DHRSX: variants seen among roughly 807,000 people sequenced by gnomAD.
The protein encoded by DHRSX is polyprenol dehydrogenase.
A neutral mutation model predicts 34.0 loss-of-function variants in DHRSX; 31 were observed. That is an observed-to-expected ratio of 0.91 (90% confidence interval 0.69 to 1.23). The LOEUF is 1.23. DHRSX is among the 50% of genes most tolerant of loss of function. The pLI, the probability that DHRSX is intolerant of heterozygous loss-of-function variation, is 0.00. For synonymous variants in DHRSX, 201 were observed against 183.8 expected, an observed-to-expected ratio of 1.09 and a Z score of -0.76; for missense variants, 414 against 428.1, an observed-to-expected ratio of 0.97 and a Z score of 0.29.
chrX:2,225,714 C>T (rs2015643322), intron 6 of DHRSX, among the ~76,000 whole-genome samples: 1 of 150,752 alleles, frequency 6.6e-6, no homozygotes, highest in Non-Finnish European at 1.5e-5. Flanking sequence ...CACAGACACA[C>T]ACAGAGGGAC....
chrX:2,479,677 C>T (rs1415988314), intron 1 of DHRSX, among the ~76,000 whole-genome samples: 7 of 151,860 alleles, frequency 4.6e-5, no homozygotes, highest in Non-Finnish European at 1.0e-4. Flanking sequence ...AAGGGACTGC[C>T]GCCATGTACA....
intron 6 of DHRSX, among the ~76,000 whole-genome samples, chrX:2,240,354 G>C (rs1041079782): frequency 6.6e-6 from 1 of 151,652 alleles, no homozygotes; most frequent in Non-Finnish European, 1.5e-5. Flanking sequence ...TGAGAGATTC[G>C]AAGAACAACT....
At chrX:2,277,501 AG>A in intron 4 of DHRSX, among the ~76,000 whole-genome samples, 1 of 23,802 alleles carries the variant, frequency 4.2e-5, no homozygotes, top group African/African-American at 1.1e-4. Flanking sequence ...GAGAAGGAAG[AG>A]GAGGAAATGG....
chrX:2,370,654 A>G (rs1361571933), intron 3 of DHRSX, among the ~76,000 whole-genome samples: 2 of 151,464 alleles, frequency 1.3e-5, no homozygotes, highest in African/African-American at 2.4e-5. Flanking sequence ...AGCCTAGGAC[A>G]AGGCTGGCCA....
At chrX:2,336,888 C>G (rs1336657392) in intron 3 of DHRSX, among the ~76,000 whole-genome samples, 1 of 152,028 alleles carries the variant, frequency 6.6e-6, no homozygotes, top group Non-Finnish European at 1.5e-5. Flanking sequence ...TTGCAAGATA[C>G]ATATGCAGAA....
At chrX:2,407,151 A>G (rs1365723194) in intron 3 of DHRSX, among the ~76,000 whole-genome samples, 1 of 152,208 alleles carries the variant, frequency 6.6e-6, no homozygotes, top group East Asian at 1.9e-4. Context: ...ACCCTAAGGG[A>G]CATAACTCAG....
Position 2,298,606 on chromosome X carries a change from A to ACACACACACACACACACG in DHRSX, c.287-7004_287-7003insCGTGTGTGTGTGTGTGTG, listed in dbSNP as rs1556457154. Among the ~76,000 whole-genome samples the ACACACACACACACACACG allele has an allele frequency of 5.0e-4, 24 of 48,464 alleles. 1 individual carries two copies. Among genetic ancestry groups the ACACACACACACACACACG allele is most frequent in the African/African-American group, 1.2e-3 (22 of 17,712 alleles). The allele number at this position is 48,464 out of a possible 152,430, so 31.8% of individuals were successfully genotyped here. ...TTCTCCTGCAGGCGCGTGTGTACAC[A>ACACACACACACACACACG]CACACACACACACACACACACACAC... On this transcript the variant is annotated intron_variant, in intron 3 of 6. Coordinates refer to ENST00000334651, the MANE Select transcript of DHRSX (RefSeq NM_145177.3).
intron 6 of DHRSX, among the ~76,000 whole-genome samples, chrX:2,227,385 GAATT>G (rs1030682154): frequency 1.7e-4 from 26 of 150,996 alleles, no homozygotes; most frequent in Admixed American, 1.2e-3. Flanking sequence ...ATAGAGAAAG[GAATT>G]AAGGAAGGAA....
chrX:2,311,976 A>C (rs1228184634), intron 3 of DHRSX, among the ~76,000 whole-genome samples: 3 of 152,182 alleles, frequency 2.0e-5, no homozygotes, highest in Non-Finnish European at 4.4e-5. Context: ...TAAATGCTTC[A>C]AGAGTAATGC....
At chrX:2,500,586 G>A (rs1308758533) in intron 1 of DHRSX, 2 of 190,048 alleles carry the variant, frequency 1.1e-5, no homozygotes, top group Non-Finnish European at 2.1e-5. Context: ...GGGTCGGGCC[G>A]GGCCAGGCGC....
At chrX:2,333,250 A>G (rs1247593267) in intron 3 of DHRSX, among the ~76,000 whole-genome samples, 3 of 152,248 alleles carry the variant, frequency 2.0e-5, no homozygotes, top group Non-Finnish European at 4.4e-5. Context: ...ATCATAACAC[A>G]TAGCTTAAAA....
chrX:2,391,913 C>T (rs192194946), intron 3 of DHRSX, among the ~76,000 whole-genome samples: 11 of 151,290 alleles, frequency 7.3e-5, no homozygotes, highest in Admixed American at 2.6e-4. Context: ...GGTGACAGAG[C>T]GAAATTCCGA....
chrX:2,389,393 GT>G (rs2043308948), intron 3 of DHRSX, among the ~76,000 whole-genome samples: 1 of 152,036 alleles, frequency 6.6e-6, no homozygotes, highest in African/African-American at 2.4e-5. Context: ...ACTCTGTTTT[GT>G]GATGAAAGTG....
intron 1 of DHRSX, among the ~76,000 whole-genome samples, chrX:2,468,520 C>T (rs1200883118): frequency 6.6e-6 from 1 of 151,906 alleles, no homozygotes; most frequent in African/African-American, 2.4e-5. Flanking sequence ...GCCAAGGGAC[C>T]GCCACTGTGT....
intron 1 of DHRSX, among the ~76,000 whole-genome samples, chrX:2,436,354 G>T (rs1215473311): frequency 1.3e-5 from 2 of 151,786 alleles, no homozygotes. Context: ...TTTGTCTACT[G>T]TCATGAGCTT....
intron 3 of DHRSX, among the ~76,000 whole-genome samples, chrX:2,308,683 C>T (rs1363940299): frequency 6.6e-6 from 1 of 151,586 alleles, no homozygotes; most frequent in Non-Finnish European, 1.5e-5. Flanking sequence ...AACACAATAT[C>T]CAAGTATATT....
intron 1 of DHRSX, among the ~76,000 whole-genome samples, chrX:2,448,522 T>C (rs1469795303): frequency 6.7e-6 from 1 of 148,538 alleles, no homozygotes; most frequent in Non-Finnish European, 1.5e-5. Context: ...TAAGGTTATG[T>C]GAATATGTTA....
rs779339446 is a variant in DHRSX at position 2,294,766 on chromosome X, AAG to A, written c.287-3165_287-3164del. Among the ~76,000 whole-genome samples, 623 of 148,852 alleles carry A rather than the reference AAG, an allele frequency of 4.2e-3. 1 individual carries two copies. Among genetic ancestry groups the A allele is most frequent in the African/African-American group, 8.5e-3 (348 of 40,808 alleles). On this transcript the variant is annotated intron_variant, in intron 3 of 6. Transcript: ENST00000334651. The stretch of plus-strand genomic sequence containing the variant: ...AAGAAGACAAAGAGAGAGACAGAGA[AAG>A]AGAGAGAGAGAGAGGAAAAAGAGAG...
intron 1 of DHRSX, among the ~76,000 whole-genome samples, chrX:2,480,990 T>C (rs755185805): frequency 4.6e-5 from 7 of 152,234 alleles, no homozygotes; most frequent in South Asian, 2.1e-4. Context: ...TGAGGTGATA[T>C]AGGTCAGAGT....
Sources: gnomAD v4.1 joint callset for allele counts (sites outside exome capture counted in the v4.1 genomes callset) on GRCh38, gnomAD v4.1.1 for gene constraint, MANE v1.5 for transcripts, NCBI Gene and HGNC (gene_info 2026-07-23, HGNC 2026-07-21) for gene names.